ATF6: variants seen among roughly 807,000 people sequenced by gnomAD.
ATF6 encodes activating transcription factor 6.
Under a neutral mutation model 83.6 loss-of-function variants are expected in ATF6, and 53 were observed. The ratio of observed to expected loss-of-function variants is 0.63; its 90% CI spans 0.51 to 0.80. The LOEUF (loss-of-function observed/expected upper bound fraction) is 0.80. Among genes scored for constraint, ATF6 ranks in the 30% least tolerant of loss-of-function variants. The pLI, the probability that ATF6 is intolerant of heterozygous loss-of-function variation, is 0.00. For synonymous variants in ATF6, 288 were observed against 285.8 expected, an observed-to-expected ratio of 1.01 and a Z score of -0.08; for missense variants, 744 against 797.9, an observed-to-expected ratio of 0.93 and a Z score of 0.81.
intron 2 of ATF6, among the ~76,000 whole-genome samples, chr1:161,781,518 T>C (rs1281722046): frequency 6.6e-6 from 1 of 152,256 alleles, no homozygotes; most frequent in South Asian, 2.1e-4. Flanking sequence ...CTATTGTATA[T>C]AGAGATTATA....
Position 161,784,051 on chromosome 1 carries a change from G to GTC in ATF6, c.312_313dup (p.Pro105LeufsTer45). ...CAGCCTCCTCAAGTTATTCAGTCTC[G>GTC]TCTCCTCGGTCAGTGGACTCTTATT... On this transcript the variant is annotated frameshift_variant, in exon 4 of 16. Coordinates refer to ENST00000367942, the MANE Select transcript of ATF6 (RefSeq NM_007348.4). LOFTEE classifies it high-confidence loss of function. 6.2e-7 allele frequency: 1 copy of GTC among 1,612,798 alleles called. No individual in the cohort carries two copies. Among genetic ancestry groups the GTC allele is most frequent in the Non-Finnish European group, 8.5e-7 (1 of 1,179,106 alleles).
At chr1:161,890,664 G>T (rs1365576633) in intron 14 of ATF6, among the ~76,000 whole-genome samples, 1 of 152,232 alleles carries the variant, frequency 6.6e-6, no homozygotes, top group Non-Finnish European at 1.5e-5. Flanking sequence ...GGTCCTCGAT[G>T]CTCTAGCGGA....
chr1:161,801,348 G>A (rs2101753803), intron 6 of ATF6, among the ~76,000 whole-genome samples: 1 of 137,760 alleles, frequency 7.3e-6, no homozygotes. Context: ...AAGTTTTTTG[G>A]TATTTGTAGT....
Position 161,792,297 on chromosome 1 carries a change from A to G in ATF6, c.658A>G (p.Ile220Val), listed in dbSNP as rs746718839. Residue 220 changes from isoleucine (I) to valine (V), a missense_variant, in exon 6 of 16, where the codon ATT becomes GTT. Transcript: ENST00000367942. ...TLMPLAKQQP[I>V]ISLQPAPTKG... ...TATGCCATTGGCAAAGCAGCAACCA[A>G]TTATCAGTTTACAACCTGCACCCAC... 2 of 1,614,022 alleles carry G rather than the reference A, an allele frequency of 1.2e-6. No individual in the cohort carries two copies. Among genetic ancestry groups the G allele is most frequent in the Non-Finnish European group, 1.7e-6 (2 of 1,180,000 alleles).
intron 14 of ATF6, among the ~76,000 whole-genome samples, chr1:161,865,225 T>C (rs7355188): frequency 0.15 from 23,200 of 151,752 alleles, 2,736 homozygotes; most frequent in African/African-American, 0.33. Flanking sequence ...AGTGGTGCCA[T>C]CTTGGCTTAC....
chr1:161,943,406 G>C (rs2101911861), intron 15 of ATF6, among the ~76,000 whole-genome samples: 2 of 152,274 alleles, frequency 1.3e-5, no homozygotes, highest in East Asian at 3.9e-4. Flanking sequence ...CAGCAATGTG[G>C]AACTGTGAGT....
intron 10 of ATF6, among the ~76,000 whole-genome samples, chr1:161,847,410 A>G (rs1393009199): frequency 6.6e-6 from 1 of 152,114 alleles, no homozygotes; most frequent in African/African-American, 2.4e-5. Context: ...GATCACCACA[A>G]TCCTGCAGGC....
intron 6 of ATF6, among the ~76,000 whole-genome samples, chr1:161,798,100 C>A (rs539740647): frequency 1.3e-5 from 2 of 152,270 alleles, no homozygotes; most frequent in African/African-American, 4.8e-5. Context: ...AGATAACTGG[C>A]TAGCCATATG....
At chr1:161,830,748 T>C (rs2101799157) in intron 9 of ATF6, among the ~76,000 whole-genome samples, 1 of 152,330 alleles carries the variant, frequency 6.6e-6, no homozygotes. Flanking sequence ...TAGCCATATG[T>C]AGAAAGCTGA....
intron 7 of ATF6, 138 bp downstream of exon 7, chr1:161,802,410 C>T (rs1475423132): frequency 1.4e-6 from 1 of 730,784 alleles, no homozygotes; most frequent in Non-Finnish European, 2.2e-6. Flanking sequence ...TGCTGAATTG[C>T]ACATCTAGTC....
intron 6 of ATF6, among the ~76,000 whole-genome samples, chr1:161,799,774 A>G (rs1434757053): frequency 6.6e-6 from 1 of 152,188 alleles, no homozygotes; most frequent in East Asian, 1.9e-4. Flanking sequence ...TTTTGAGGCC[A>G]TCTGAAACAA....
chr1:161,951,796 A>G (rs577835059), intron 15 of ATF6, among the ~76,000 whole-genome samples: 1 of 152,320 alleles, frequency 6.6e-6, no homozygotes, highest in East Asian at 1.9e-4. Context: ...CACAAGGGAA[A>G]AAAACTCATC....
chr1:161,924,101 C>T (rs1447133608), intron 15 of ATF6, among the ~76,000 whole-genome samples: 1 of 152,188 alleles, frequency 6.6e-6, no homozygotes, highest in East Asian at 1.9e-4. Context: ...TTCATATAAT[C>T]TCAAGTTTCT....
At chr1:161,817,873 G>A (rs1022835424) in intron 7 of ATF6, among the ~76,000 whole-genome samples, 6 of 151,896 alleles carry the variant, frequency 4.0e-5, no homozygotes, top group Admixed American at 3.3e-4. Flanking sequence ...CGAGGCGGGC[G>A]GATCAGGAGG....
chr1:161,853,743 G>C (rs972253600), intron 12 of ATF6, among the ~76,000 whole-genome samples: 6 of 152,166 alleles, frequency 3.9e-5, no homozygotes, highest in African/African-American at 1.4e-4. Flanking sequence ...TCTGAACTTA[G>C]ACATTTACTA....
chr1:161,929,062 G>A (rs908007388), intron 15 of ATF6, among the ~76,000 whole-genome samples: 1 of 152,176 alleles, frequency 6.6e-6, no homozygotes, highest in Non-Finnish European at 1.5e-5. Flanking sequence ...ATGGGTGCTA[G>A]GCATTGCCTT....
At chr1:161,944,881 A>T (rs1688720255) in intron 15 of ATF6, among the ~76,000 whole-genome samples, 1 of 152,218 alleles carries the variant, frequency 6.6e-6, no homozygotes, top group South Asian at 2.1e-4. Context: ...ATCAGACCTA[A>T]AAGAAGTGCA....
chr1:161,922,964 A>G (rs1688242952), intron 15 of ATF6, among the ~76,000 whole-genome samples: 1 of 152,192 alleles, frequency 6.6e-6, no homozygotes, highest in African/African-American at 2.4e-5. Flanking sequence ...AGATCACTCT[A>G]TTTTTGCACA....
intron 7 of ATF6, among the ~76,000 whole-genome samples, chr1:161,817,141 G>C (rs1431411156): frequency 6.6e-6 from 1 of 152,178 alleles, no homozygotes; most frequent in Non-Finnish European, 1.5e-5. Context: ...TTTGAAACTT[G>C]AATGCTGTGT....
Sources: allele counts gnomAD v4.1 joint callset (sites outside exome capture counted in the v4.1 genomes callset), GRCh38; gene constraint gnomAD v4.1.1; transcripts MANE v1.5; gene names NCBI Gene and HGNC (gene_info 2026-07-23, HGNC 2026-07-21).